The following PPA2 variants were observed in gnomAD, a reference collection of about 807,000 sequenced individuals.
PPA2 encodes the protein inorganic pyrophosphatase 2, also known as inorganic pyrophosphatase 2, mitochondrial.
Under a neutral mutation model 49.5 loss-of-function variants are expected in PPA2, and 48 were observed. That is an observed-to-expected ratio of 0.97 (90% CI 0.77 to 1.23). The LOEUF (loss-of-function observed/expected upper bound fraction) is 1.23. Among genes scored for constraint, PPA2 ranks in the 50% most tolerant of loss-of-function variants. PPA2 has a pLI of 0.00. For synonymous variants in PPA2, 131 were observed against 139.9 expected (o/e 0.94, Z 0.45); for missense variants, 429 against 410.1 (o/e 1.05, Z -0.40).
chr4:105,385,164 AC>A (rs1733630765), intron 10 of PPA2, among the ~76,000 whole-genome samples: 2 of 152,044 alleles, frequency 1.3e-5, no homozygotes, highest in Non-Finnish European at 2.9e-5. Flanking sequence ...TTTAATAACT[AC>A]AACTCCCATC....
At chr4:105,393,022 C>T (rs1424993214) in intron 9 of PPA2, among the ~76,000 whole-genome samples, 2 of 152,020 alleles carry the variant, frequency 1.3e-5, no homozygotes, top group Non-Finnish European at 2.9e-5. Flanking sequence ...AGAAGACAAT[C>T]ATGGCAAAGG....
At chr4:105,454,451 C>T (rs1404819449) in intron 2 of PPA2, among the ~76,000 whole-genome samples, 1 of 152,046 alleles carries the variant, frequency 6.6e-6, no homozygotes, top group Non-Finnish European at 1.5e-5. Flanking sequence ...CTGCCTCAGC[C>T]TCCCGAGTAG....
intron 1 of PPA2, among the ~76,000 whole-genome samples, chr4:105,466,646 GGGAA>G (rs1723313780): frequency 1.3e-5 from 2 of 152,130 alleles, no homozygotes; most frequent in South Asian, 4.1e-4. Flanking sequence ...CAGGAACAAA[GGGAA>G]GGAAGGTACA....
At chr4:105,445,263 C>G (rs11097888) in intron 5 of PPA2, among the ~76,000 whole-genome samples, 1 of 152,102 alleles carries the variant, frequency 6.6e-6, no homozygotes, top group Non-Finnish European at 1.5e-5. Context: ...ACATTTCCTA[C>G]AGGCTGCATC....
intron 10 of PPA2, among the ~76,000 whole-genome samples, chr4:105,385,418 C>CA (rs1266685620): frequency 6.7e-6 from 1 of 148,662 alleles, no homozygotes; most frequent in African/African-American, 2.5e-5. Flanking sequence ...AAAAAAAAAA[C>CA]AAAAAACAAA....
intron 6 of PPA2, among the ~76,000 whole-genome samples, chr4:105,434,794 T>A (rs139682471): frequency 1.7e-3 from 259 of 152,330 alleles, no homozygotes; most frequent in African/African-American, 5.7e-3. Context: ...ACACACTCTT[T>A]GACTTCACAT....
intron 7 of PPA2, among the ~76,000 whole-genome samples, chr4:105,416,548 C>G (rs1273305924): frequency 6.6e-6 from 1 of 152,208 alleles, no homozygotes; most frequent in East Asian, 1.9e-4. Flanking sequence ...ACAACTAGTA[C>G]CCTCTAAAGA....
chr4:105,405,184 T>A, intron 7 of PPA2: 1 of 684,396 alleles, frequency 1.5e-6, no homozygotes, highest in South Asian at 6.7e-5. Context: ...TTATTTTAAT[T>A]TGTATAATGC....
At chr4:105,373,123 G>GC (rs34548461) in intron 10 of PPA2, among the ~76,000 whole-genome samples, 38,025 of 152,014 alleles carry the variant, frequency 0.25, 4,872 homozygotes, top group East Asian at 0.44. Flanking sequence ...ACAGGCATGA[G>GC]CACCGTGCCT....
At chr4:105,463,845 C>CT (rs1167338743) in intron 1 of PPA2, among the ~76,000 whole-genome samples, 9 of 152,214 alleles carry the variant, frequency 5.9e-5, no homozygotes, top group Non-Finnish European at 1.3e-4. Flanking sequence ...TTTGGGACCT[C>CT]TGCCTAGATT....
chr4:105,370,772 G>C, intron 11 of PPA2, 65 bp downstream of exon 11: 1 of 1,298,516 alleles, frequency 7.7e-7, no homozygotes, highest in Non-Finnish European at 1.0e-6. Context: ...TTAGTTTTTG[G>C]CTTCCACTAC....
At chr4:105,427,677 C>T (rs1398165381) in intron 6 of PPA2, among the ~76,000 whole-genome samples, 1 of 152,094 alleles carries the variant, frequency 6.6e-6, no homozygotes, top group Admixed American at 6.6e-5. Flanking sequence ...GGAACAAAGC[C>T]TCCAAGAAAT....
At chr4:105,404,642 A>G (rs1722376966) in intron 7 of PPA2, among the ~76,000 whole-genome samples, 2 of 152,212 alleles carry the variant, frequency 1.3e-5, no homozygotes, top group African/African-American at 4.8e-5. Flanking sequence ...GGATTAAATA[A>G]TGGGTGAAAA....
intron 10 of PPA2, among the ~76,000 whole-genome samples, chr4:105,372,696 C>CCA (rs1733073777): frequency 6.6e-6 from 1 of 152,204 alleles, no homozygotes; most frequent in South Asian, 2.1e-4. Flanking sequence ...GGCCTTCACA[C>CCA]TGGAACTGCA....
rs1724539028 is a variant in PPA2, at chr4:105,445,054, A to ATG, written c.441+1327_441+1328dup. 2.6e-5 allele frequency among the ~76,000 whole-genome samples: 4 copies of ATG among 152,326 alleles called. No individual in the cohort carries two copies. The South Asian group carries it at 8.3e-4, about 32-fold the overall frequency. ...AACCCACATTTTCCAGTCACTTATT[A>ATG]TGAGGCCTTGATGTCACATCTATAT... On this transcript the variant is annotated intron_variant, in intron 5 of 11. Transcript: ENST00000341695.
chr4:105,382,989 C>T (rs571838133), intron 10 of PPA2, among the ~76,000 whole-genome samples: 7 of 137,406 alleles, frequency 5.1e-5, no homozygotes, highest in Admixed American at 4.7e-4. Context: ...GGCGGCAGAG[C>T]AAGACCCTGT....
intron 3 of PPA2, among the ~76,000 whole-genome samples, chr4:105,450,361 T>C (rs1030574062): frequency 6.6e-6 from 1 of 151,780 alleles, no homozygotes; most frequent in Non-Finnish European, 1.5e-5. Flanking sequence ...AATTGGAATC[T>C]GAATTACACT....
At chr4:105,411,209 T>C (rs559628580) in intron 7 of PPA2, among the ~76,000 whole-genome samples, 86 of 151,940 alleles carry the variant, frequency 5.7e-4, no homozygotes, top group African/African-American at 2.0e-3. Flanking sequence ...AAATAAAGGA[T>C]GGAGGAAGAT....
intron 7 of PPA2, among the ~76,000 whole-genome samples, chr4:105,404,283 A>T (rs1271892053): frequency 6.6e-6 from 1 of 151,978 alleles, no homozygotes; most frequent in East Asian, 1.9e-4. Context: ...CAATAAACAC[A>T]TTTAAAAACT....
Sources: allele counts gnomAD v4.1 joint callset (sites outside exome capture counted in the v4.1 genomes callset), GRCh38; gene constraint gnomAD v4.1.1; transcripts MANE v1.5; gene names NCBI Gene and HGNC (gene_info 2026-07-23, HGNC 2026-07-21).